The following TMEM252 variants were observed in gnomAD, a reference collection of about 807,000 sequenced individuals.
TMEM252 encodes the protein transmembrane protein 252.
TMEM252 carries 4 observed loss-of-function variants against 6.4 expected under a neutral mutation model. The observed-to-expected ratio is 0.62, with a 90% CI of 0.31 to 1.43. The LOEUF (loss-of-function observed/expected upper bound fraction) is 1.43, where lower values mean the gene tolerates loss of function less well. TMEM252 is among the 40% of genes most tolerant of loss of function. The pLI is 0.07. For missense variants in TMEM252, 207 were observed against 209.4 expected (o/e 0.99, Z 0.07); for synonymous variants, 85 against 82.5 (o/e 1.03, Z -0.17).
Position 68,536,938 on chromosome 9 carries a change from AT to A in TMEM252, c.*320del, listed in dbSNP as rs1825146607. On this transcript the variant is annotated 3_prime_UTR_variant, in exon 2 of 2. Coordinates refer to ENST00000377311, the MANE Select transcript of TMEM252 (RefSeq NM_153237.2). ...CTGGAGTTGAGGTGATGGGAGGGAA[AT>A]TGAGTGACAGCAGAAAGAATCTCTG... 2 of 268,192 alleles carry A rather than the reference AT, an allele frequency of 7.5e-6. No individual in the cohort carries two copies. Among genetic ancestry groups the A allele is most frequent in the Non-Finnish European group, 1.4e-5 (2 of 143,396 alleles). 16.6% of individuals were successfully genotyped at this position (268,192 alleles called of 1,614,324 possible).
chr9:68,539,114 A>G (rs1825173532), intron 1 of TMEM252, among the ~76,000 whole-genome samples: 1 of 152,228 alleles, frequency 6.6e-6, no homozygotes. Flanking sequence ...GGGTAAGATT[A>G]CTTATATTCA....
chr9:68,540,351 C>T (rs1825188603), intron 1 of TMEM252, among the ~76,000 whole-genome samples, 186 bp downstream of exon 1: 2 of 152,158 alleles, frequency 1.3e-5, no homozygotes, highest in African/African-American at 4.8e-5. Flanking sequence ...CATGGTTTTC[C>T]CCAAAGATGG....
rs1272572541 is a variant in TMEM252 at position 68,540,684 on chromosome 9, T to C, written c.131A>G (p.Tyr44Cys). The C allele has an allele frequency of 6.2e-7, 1 of 1,613,966 alleles. No homozygotes were observed. Among genetic ancestry groups the C allele is most frequent in the East Asian group, 2.2e-5 (1 of 44,848 alleles). Residue 44 changes from tyrosine to cysteine, a missense_variant, in exon 1 of 2, where the codon TAT becomes TGT. Tyr to Cys is a radical substitution (Grantham distance 194, BLOSUM62 -2). Transcript: ENST00000377311. ...FDCQGSLIAA[Y>C]LLLPLGFVIL... ...CACAAACCCCAGAGGCAGAAGCAAATAGGCCGCAATCAGGCTCCCCTGACA... is the reference window on the plus strand; with the variant it reads ...CACAAACCCCAGAGGCAGAAGCAAACAGGCCGCAATCAGGCTCCCCTGACA...
chr9:68,537,337 T>C lies in TMEM252; in HGVS notation c.435A>G (p.Pro145=), dbSNP rs757451704. ...GGCCGGCTATGGACTCTCTATAAGA[T>C]GGTGGGGCCTCTGGGTGGGAGTCAT... ...DGNDSHPEAP[P]SYRESIAGLV... Residue 145 remains proline (P), a synonymous_variant, in exon 2 of 2, where the codon CCA becomes CCG. Transcript: ENST00000377311. 6.0e-5 allele frequency: 97 copies of C among 1,605,616 alleles called. No individual in the cohort carries two copies. The highest frequency in any genetic ancestry group is 7.6e-5 in the Non-Finnish European group (89 of 1,177,686).
At chr9:68,537,562 CCT>C (rs1825156691) in intron 1 of TMEM252, 69 bp from the exon 2 acceptor site, 1 of 1,227,350 alleles carries the variant, frequency 8.1e-7, no homozygotes, top group Non-Finnish European at 1.1e-6. Flanking sequence ...CAGACGGCTG[CCT>C]CTCTCAGCTC....
rs532560446 is a variant in TMEM252, at chr9:68,537,622, A to G, written c.279-129T>C. The G allele has an allele frequency of 8.6e-6, 6 of 697,722 alleles. No individual in the cohort carries two copies. The African/African-American group carries it at 1.1e-4, about 13-fold the overall frequency. 43.2% of individuals were successfully genotyped at this position (697,722 alleles called of 1,614,324 possible). A position where few individuals can be genotyped will look rare whatever the true frequency, so the allele number is the denominator to read the frequency against. ...TAAGAAACATGGATTTTTGAAACAG[A>G]TGTACTTCTTCCTGGCATCACCAGT... On this transcript the variant is annotated intron_variant, in intron 1 of 1. Transcript: ENST00000377311.
chr9:68,537,676 G>T (rs1825158081), intron 1 of TMEM252, among the ~76,000 whole-genome samples, 183 bp from the exon 2 acceptor site: 1 of 152,200 alleles, frequency 6.6e-6, no homozygotes, highest in Non-Finnish European at 1.5e-5. Context: ...TCTTCCAAAA[G>T]AACCTTTTTA....
intron 1 of TMEM252, among the ~76,000 whole-genome samples, chr9:68,539,985 C>T (rs1825183900): frequency 1.3e-5 from 2 of 152,122 alleles, no homozygotes; most frequent in South Asian, 4.1e-4. Flanking sequence ...TATGAGATGG[C>T]GAGAAAGAAT....
At chr9:68,540,505 CCTT>C (rs757835079) in intron 1 of TMEM252, 29 bp downstream of exon 1, 1 of 1,609,440 alleles carries the variant, frequency 6.2e-7, no homozygotes, top group Non-Finnish European at 8.5e-7. Context: ...CCATCTCAGC[CCTT>C]CTTGGTCCCT....
chr9:68,537,833 T>A (rs1191826121), intron 1 of TMEM252, among the ~76,000 whole-genome samples: 1 of 152,180 alleles, frequency 6.6e-6, no homozygotes, highest in Non-Finnish European at 1.5e-5. Flanking sequence ...GGGCTTTGGA[T>A]AGGGAACTTC....
At position 68,537,203 on chromosome 9, in the gene TMEM252, T is replaced by G. The variant is rs1467230933; in HGVS notation, c.*56A>C. 1 of 1,492,776 alleles carries G rather than the reference T, an allele frequency of 6.7e-7. No homozygotes were observed. The highest frequency in any genetic ancestry group is 2.3e-5 in the East Asian group (1 of 42,600). The allele number at this position is 1,492,776 out of a possible 1,614,324, so 92.5% of individuals were successfully genotyped here. A position where few individuals can be genotyped will look rare whatever the true frequency, so the allele number is the denominator to read the frequency against. On this transcript the variant is annotated 3_prime_UTR_variant, in exon 2 of 2. Transcript: ENST00000377311. ...CACAGTCCCTCGTTTGCCTTTATTA[T>G]CAGTAGCTGCTCCCCACAGTGGTGG...
In TMEM252 at chr9:68,536,985, A is replaced by G. The variant is rs1027742366; in HGVS notation, c.*274T>C. ...CTCTGTAAGCAGAGCTCTCAGAGTG[A>G]CACCTTTGGGGACCCAAGGCCAGCC... On this transcript the variant is annotated 3_prime_UTR_variant, in exon 2 of 2. Transcript: ENST00000377311. 1 of 388,272 alleles carries G rather than the reference A, an allele frequency of 2.6e-6. No homozygotes were observed. The highest frequency in any genetic ancestry group is 4.6e-6 in the Non-Finnish European group (1 of 217,042). The allele number at this position is 388,272 out of a possible 1,614,324, so 24.1% of individuals were successfully genotyped here. A position where few individuals can be genotyped will look rare whatever the true frequency, so the allele number is the denominator to read the frequency against.
chr9:68,537,455 T>C lies in TMEM252; in HGVS notation c.317A>G (p.Glu106Gly). 6.2e-7 allele frequency: 1 copy of C among 1,604,124 alleles called. No individual in the cohort carries two copies. The highest frequency in any genetic ancestry group is 1.1e-5 in the South Asian group (1 of 89,006). The change falls in exon 2 of 2, where the codon GAG (glutamate) becomes GGG (glycine). Residue 106 changes from glutamate (E) to glycine (G), a missense_variant. Glu to Gly is a moderately conservative substitution (Grantham distance 98). Transcript: ENST00000377311. ...TGCAGGACAGCTCTGCTTTTCCACCTCAAGGCTCTCTTCATAAGCTGGAGG... is the reference window on the plus strand; with the variant it reads ...TGCAGGACAGCTCTGCTTTTCCACCCCAAGGCTCTCTTCATAAGCTGGAGG... ...FYPPAYEESL[E>G]VEKQSCPAER...
In TMEM252 at chr9:68,540,562, C is replaced by T; in HGVS notation, c.253G>A (p.Ala85Thr). The change falls in exon 1 of 2, where the codon GCC (alanine) becomes ACC (threonine). Residue 85 changes from alanine (A) to threonine (T), a missense_variant. By Grantham distance (58) the Ala-to-Thr change is moderately conservative. Transcript: ENST00000377311. ...HMLRQHLAHG[A>T]LPVATVDRPD... Reference sequence around the variant, plus strand: ...CTGTCTACTGTGGCCACGGGCAGGGCCCCATGAGCAAGGTGTTGTCGGAGC... The same window carrying T: ...CTGTCTACTGTGGCCACGGGCAGGGTCCCATGAGCAAGGTGTTGTCGGAGC... 3 of 1,614,170 alleles carry T rather than the reference C, an allele frequency of 1.9e-6. No homozygotes were observed. The highest frequency in any genetic ancestry group is 2.5e-6 in the Non-Finnish European group (3 of 1,180,010).
At chr9:68,540,456 A>G in intron 1 of TMEM252, 81 bp downstream of exon 1, 1 of 1,572,528 alleles carries the variant, frequency 6.4e-7, no homozygotes. Context: ...GTCGCTCCAT[A>G]GTAGGATCAG....
rs1435303467 is a variant in TMEM252 at position 68,537,333 on chromosome 9, A to G, written c.439T>C (p.Tyr147His). The G allele has an allele frequency of 6.2e-7, 1 of 1,605,762 alleles. No individual in the cohort carries two copies. Among genetic ancestry groups the G allele is most frequent in the Non-Finnish European group, 8.5e-7 (1 of 1,177,670 alleles). Residue 147 changes from tyrosine (Y) to histidine (H), a missense_variant, in exon 2 of 2, where the codon TAT becomes CAT. Tyr to His is a moderately conservative substitution (Grantham distance 83). Transcript: ENST00000377311. ...NDSHPEAPPS[Y>H]RESIAGLVVT... ...ACCAGGCCGGCTATGGACTCTCTAT[A>G]AGATGGTGGGGCCTCTGGGTGGGAG...
chr9:68,540,061 A>G (rs1376140779), intron 1 of TMEM252, among the ~76,000 whole-genome samples: 1 of 152,198 alleles, frequency 6.6e-6, no homozygotes, highest in African/African-American at 2.4e-5. Context: ...TGAGATCACA[A>G]CACCTAAAAG....
intron 1 of TMEM252, among the ~76,000 whole-genome samples, chr9:68,538,530 T>C (rs1260849274): frequency 2.6e-5 from 4 of 152,186 alleles, no homozygotes; most frequent in African/African-American, 9.7e-5. Context: ...CCTGGAGTGA[T>C]GTGAAAGGTT....
intron 1 of TMEM252, among the ~76,000 whole-genome samples, chr9:68,538,789 G>A (rs865998752): frequency 6.6e-6 from 1 of 152,118 alleles, no homozygotes; most frequent in African/African-American, 2.4e-5. Flanking sequence ...GTAAAATGGG[G>A]GTGTTACGAT....
Sources: allele counts gnomAD v4.1 joint callset (sites outside exome capture counted in the v4.1 genomes callset), GRCh38; gene constraint gnomAD v4.1.1; transcripts MANE v1.5; gene names NCBI Gene and HGNC (gene_info 2026-07-23, HGNC 2026-07-21).